SYTL4: variants seen among roughly 807,000 people sequenced by gnomAD.
The protein encoded by SYTL4 is synaptotagmin like 4.
A neutral mutation model predicts 52.7 loss-of-function variants in SYTL4; 16 were observed. The ratio of observed to expected loss-of-function variants is 0.30; its 90% CI spans 0.21 to 0.46. The LOEUF is 0.46. Among genes scored for constraint, SYTL4 ranks in the 20% least tolerant of loss-of-function variants. The probability of loss-of-function intolerance (pLI) is 1.00; values close to 1 mark genes in which losing one functional copy is unlikely to be tolerated. For missense variants in SYTL4, 423 were observed against 519.9 expected (o/e 0.81, Z 1.81); for synonymous variants, 160 against 186.6 (o/e 0.86, Z 1.16).
intron 8 of SYTL4, among the ~76,000 whole-genome samples, chrX:100,692,414 C>T (rs1342535624): frequency 8.9e-6 from 1 of 112,157 alleles, no homozygotes; most frequent in East Asian, 2.8e-4. Flanking sequence ...AGAGTATGCA[C>T]TCAAGTATTT....
intron 2 of SYTL4, among the ~76,000 whole-genome samples, chrX:100,719,045 C>T (rs2084286042): frequency 9.0e-6 from 1 of 111,340 alleles, no homozygotes; most frequent in African/African-American, 3.3e-5. Flanking sequence ...ATCTGCCCAT[C>T]TCGGCCTCCC....
intron 2 of SYTL4, among the ~76,000 whole-genome samples, chrX:100,714,053 GT>G (rs1353483323): frequency 9.0e-6 from 1 of 110,885 alleles, no homozygotes; most frequent in Non-Finnish European, 1.9e-5. Context: ...TCTGGTGATA[GT>G]TTCATGGATA....
chrX:100,701,134 C>T, intron 7 of SYTL4, 86 bp downstream of exon 7: 1 of 886,060 alleles, frequency 1.1e-6, no homozygotes, highest in East Asian at 3.1e-5. Context: ...TCTCCACTAA[C>T]TGGCTGAGCC....
rs2083513982 is a variant in SYTL4 at position 100,688,347 on chromosome X, T to C, written c.1005+4A>G. The stretch of plus-strand genomic sequence containing the variant: ...CCTGTAACCACAGATCTAATAGAAC[T>C]TACCATGGAGGAGCCACTTTGCATG... On this transcript the variant is annotated splice_donor_region_variant and intron_variant, in intron 13 of 19. Transcript: ENST00000372989. 1.7e-6 allele frequency: 2 copies of C among 1,203,867 alleles called. No homozygotes were observed. Among genetic ancestry groups the C allele is most frequent in the African/African-American group, 3.5e-5 (2 of 56,942 alleles).
rs146647288 is a variant in SYTL4, at chrX:100,677,317, C to T, written c.1867+1074G>A. ...GAGCAAGGGGAAGAGTGATACAAGA[C>T]GGATCAGAAAGGAACAGAGGACCCA... On this transcript the variant is annotated intron_variant, in intron 19 of 19. Transcript: ENST00000372989. Among the ~76,000 whole-genome samples, 138 of 111,678 alleles carry T rather than the reference C, an allele frequency of 1.2e-3. 1 individual carries two copies. Among genetic ancestry groups the T allele is most frequent in the African/African-American group, 4.4e-3 (134 of 30,721 alleles).
At chrX:100,728,532 C>T (rs1569422723) in intron 2 of SYTL4, among the ~76,000 whole-genome samples, 1 of 111,391 alleles carries the variant, frequency 9.0e-6, no homozygotes, top group Non-Finnish European at 1.9e-5. Flanking sequence ...TTGTGCCATC[C>T]GTTATTCTTT....
At chrX:100,714,511 A>G (rs575113295) in intron 2 of SYTL4, among the ~76,000 whole-genome samples, 15 of 111,328 alleles carry the variant, frequency 1.3e-4, no homozygotes, top group South Asian at 3.8e-4. Flanking sequence ...TGCCCACCTC[A>G]GCCTCCCAAA....
chrX:100,712,799 A>T (rs893102694), intron 2 of SYTL4, among the ~76,000 whole-genome samples: 33 of 112,646 alleles, frequency 2.9e-4, no homozygotes, highest in African/African-American at 1.0e-3. Flanking sequence ...ACACAAATTT[A>T]AAAAATAGAC....
chrX:100,684,686 C>G (rs1357039729), intron 16 of SYTL4: 1 of 12,168 alleles, frequency 8.2e-5, no homozygotes, highest in East Asian at 0.013. Flanking sequence ...TACAAAATTT[C>G]TTTCTTTCTT....
chrX:100,715,914 G>A (rs1454234276), intron 2 of SYTL4, among the ~76,000 whole-genome samples: 1 of 98,164 alleles, frequency 1.0e-5, no homozygotes, highest in South Asian at 5.3e-4. Context: ...CTCCAGCCTG[G>A]GTGACAGAAT....
At chrX:100,707,124 A>C (rs906946981) in intron 2 of SYTL4, among the ~76,000 whole-genome samples, 10 of 111,770 alleles carry the variant, frequency 8.9e-5, no homozygotes, top group African/African-American at 3.2e-4. Flanking sequence ...ATACAAAAAA[A>C]GTCTATATCC....
intron 8 of SYTL4, among the ~76,000 whole-genome samples, chrX:100,699,096 G>C (rs187815917): frequency 9.0e-6 from 1 of 111,688 alleles, no homozygotes; most frequent in African/African-American, 3.2e-5. Context: ...GCCAGGCATG[G>C]TGACTCACAC....
At chrX:100,688,077 T>A (rs41306143) in intron 13 of SYTL4, 9,193 of 263,905 alleles carry the variant, frequency 0.035, 694 homozygotes, top group African/African-American at 0.22. Context: ...GGGTACCCCT[T>A]TAGAGGATAA....
intron 8 of SYTL4, among the ~76,000 whole-genome samples, chrX:100,698,177 A>G (rs1378578067): frequency 9.0e-6 from 1 of 110,734 alleles, no homozygotes; most frequent in Non-Finnish European, 1.9e-5. Context: ...ATCTTGGCTC[A>G]GTGCAAGCTC....
chrX:100,727,930 GTCTA>G (rs1220543318), intron 2 of SYTL4, among the ~76,000 whole-genome samples: 1 of 111,322 alleles, frequency 9.0e-6, no homozygotes, highest in Non-Finnish European at 1.9e-5. Context: ...CATTTGAGAG[GTCTA>G]TCTGATAGGC....
chrX:100,684,097 T>G (rs1194786780), intron 16 of SYTL4, among the ~76,000 whole-genome samples: 1 of 112,039 alleles, frequency 8.9e-6, no homozygotes, highest in African/African-American at 3.2e-5. Flanking sequence ...TTGTATATAT[T>G]TATGGGGTAC....
intron 2 of SYTL4, among the ~76,000 whole-genome samples, chrX:100,729,838 G>A (rs2084603558): frequency 1.8e-5 from 2 of 110,600 alleles, no homozygotes; most frequent in African/African-American, 6.6e-5. Context: ...CTTGAGGGAT[G>A]GATAGGAATT....
chrX:100,709,839 C>A (rs1602872218), intron 2 of SYTL4, among the ~76,000 whole-genome samples: 2 of 112,172 alleles, frequency 1.8e-5, no homozygotes, highest in African/African-American at 3.2e-5. Flanking sequence ...TTAAAGAATG[C>A]AGATGAATTG....
chrX:100,697,027 A>T (rs1424350839), intron 8 of SYTL4, among the ~76,000 whole-genome samples: 1 of 112,380 alleles, frequency 8.9e-6, no homozygotes, highest in Non-Finnish European at 1.9e-5. Context: ...AAGCTCCTTA[A>T]CTAATCCTTT....
Sources: allele counts gnomAD v4.1 joint callset (sites outside exome capture counted in the v4.1 genomes callset), GRCh38; gene constraint gnomAD v4.1.1; transcripts MANE v1.5; gene names NCBI Gene and HGNC (gene_info 2026-07-23, HGNC 2026-07-21).